The following EYA1 variants were observed in gnomAD, a reference collection of about 807,000 sequenced individuals.
The protein encoded by EYA1 is protein phosphatase EYA1.
In EYA1, 16 loss-of-function variants were observed where a neutral mutation model predicts 82.0. The ratio of observed to expected loss-of-function variants is 0.20; its 90% confidence interval spans 0.13 to 0.30. The LOEUF (loss-of-function observed/expected upper bound fraction) is 0.30. EYA1 is among the 10% of genes least tolerant of loss of function. The pLI is 1.00. For missense variants in EYA1, 633 were observed against 730.7 expected (o/e 0.87, Z 1.54); for synonymous variants, 261 against 264.4 (o/e 0.99, Z 0.12).
At chr8:71,432,971 G>C (rs1430866800) in intron 2 of EYA1, among the ~76,000 whole-genome samples, 1 of 152,120 alleles carries the variant, frequency 6.6e-6, no homozygotes, top group East Asian at 1.9e-4. Context: ...ACTGGTACCT[G>C]GTAATAAAGC....
rs138382154 is a variant in EYA1 at position 71,247,561 on chromosome 8, T to C, written c.1051-2869A>G. Among the ~76,000 whole-genome samples the C allele has an allele frequency of 7.1e-3, 1,082 of 152,322 alleles. 7 individuals are homozygous for C. The highest frequency in any genetic ancestry group is 9.8e-3 in the Non-Finnish European group (665 of 68,014). On this transcript the variant is annotated intron_variant, in intron 11 of 17. Transcript: ENST00000340726. ...CTCCTTAGCATTCTGAAATTGTCCC[T>C]TTTTAATACACCTGAAATCTATGAA...
intron 11 of EYA1, among the ~76,000 whole-genome samples, chr8:71,258,189 A>G (rs1814669247): frequency 6.6e-6 from 1 of 152,224 alleles, no homozygotes; most frequent in Non-Finnish European, 1.5e-5. Flanking sequence ...TTGAAGGCAG[A>G]AATTTTGGCT....
intron 2 of EYA1, among the ~76,000 whole-genome samples, chr8:71,489,356 A>G (rs945237750): frequency 2.7e-4 from 41 of 151,062 alleles, no homozygotes; most frequent in Non-Finnish European, 3.8e-4. Context: ...GTATTGTACT[A>G]TTATTGTACT....
At chr8:71,292,059 TATC>T (rs1256935982) in intron 9 of EYA1, among the ~76,000 whole-genome samples, 2 of 152,144 alleles carry the variant, frequency 1.3e-5, no homozygotes, top group African/African-American at 2.4e-5. Flanking sequence ...TAATGAAAAA[TATC>T]ATATGATAAA....
At chr8:71,311,541 T>C (rs1297642116) in intron 7 of EYA1, among the ~76,000 whole-genome samples, 1 of 152,206 alleles carries the variant, frequency 6.6e-6, no homozygotes, top group Non-Finnish European at 1.5e-5. Flanking sequence ...TGCATCAGCT[T>C]TGTCAATGGT....
intron 2 of EYA1, among the ~76,000 whole-genome samples, chr8:71,520,823 C>G (rs1179335343): frequency 2.0e-5 from 3 of 151,876 alleles, no homozygotes; most frequent in Non-Finnish European, 4.4e-5. Flanking sequence ...TATATGCGTG[C>G]AAAATAACCT....
At chr8:71,366,892 C>T (rs190909484), upstream of EYA1, among the ~76,000 whole-genome samples, 76 of 151,934 alleles carry the variant, frequency 5.0e-4, no homozygotes, top group East Asian at 0.013. Context: ...TAATAAAAAT[C>T]CAGAAAAGTG....
At position 71,299,139 on chromosome 8, in the gene EYA1, G is replaced by T; in HGVS notation, c.734C>A (p.Thr245Asn). ...YPAHYMTSSN[T>N]SPTTPSTNAT... The stretch of plus-strand genomic sequence containing the variant: ...ATTGGTGGATGGTGTCGTTGGGCTG[G>T]TGTTGCTGCTGGTCATATAATGTGC... Residue 245 changes from threonine to asparagine, a missense_variant, in exon 9 of 18, where the codon ACC becomes AAC. Coordinates refer to ENST00000340726, the MANE Select transcript of EYA1 (RefSeq NM_000503.6). The T allele has an allele frequency of 6.2e-7, 1 of 1,614,186 alleles. No individual in the cohort carries two copies. Among genetic ancestry groups the T allele is most frequent in the Non-Finnish European group, 8.5e-7 (1 of 1,180,008 alleles).
intron 1 of EYA1, among the ~76,000 whole-genome samples, chr8:71,541,703 A>G (rs1235691862): frequency 6.6e-6 from 1 of 152,238 alleles, no homozygotes; most frequent in African/African-American, 2.4e-5. Flanking sequence ...CCACAGTCCT[A>G]TAAAGCCTGT....
At chr8:71,520,981 T>C (rs1182186830) in intron 2 of EYA1, among the ~76,000 whole-genome samples, 1 of 152,088 alleles carries the variant, frequency 6.6e-6, no homozygotes, top group Non-Finnish European at 1.5e-5. Context: ...TAATTAAATT[T>C]GATAGTTAAA....
chr8:71,199,251 C>T lies in EYA1; in HGVS notation c.*89G>A. ...ATCACCAGGCGGAAATTGCTAAGTT[C>T]TGGAGGCCGGCGCTGATGCGAGACT... On this transcript the variant is annotated 3_prime_UTR_variant, in exon 18 of 18. Transcript: ENST00000340726. The T allele has an allele frequency of 3.1e-6, 3 of 967,372 alleles. No homozygotes were observed. The highest frequency in any genetic ancestry group is 2.0e-5 in the Admixed American group (1 of 50,818). 59.9% of individuals were successfully genotyped at this position (967,372 alleles called of 1,614,324 possible). A position where few individuals can be genotyped will look rare whatever the true frequency, so the allele number is the denominator to read the frequency against.
chr8:71,392,946 G>A (rs1829363235), intron 2 of EYA1, among the ~76,000 whole-genome samples: 1 of 152,026 alleles, frequency 6.6e-6, no homozygotes, highest in South Asian at 2.1e-4. Flanking sequence ...GCACATATAT[G>A]TGTTTTATGT....
intron 2 of EYA1, among the ~76,000 whole-genome samples, chr8:71,461,127 GA>G (rs1319745891): frequency 6.6e-6 from 1 of 152,096 alleles, no homozygotes; most frequent in East Asian, 1.9e-4. Flanking sequence ...TTTGTTGCAG[GA>G]TCCTTGAGGT....
intron 2 of EYA1, among the ~76,000 whole-genome samples, chr8:71,461,491 G>A (rs190302435): frequency 9.8e-5 from 15 of 152,296 alleles, no homozygotes; most frequent in Admixed American, 9.2e-4. Context: ...GGATATGCCA[G>A]GAACCACAGG....
At chr8:71,437,436 T>C (rs1456769373) in intron 2 of EYA1, among the ~76,000 whole-genome samples, 3 of 152,054 alleles carry the variant, frequency 2.0e-5, no homozygotes, top group African/African-American at 7.2e-5. Context: ...GCCTCAGTTT[T>C]GTCCATCTCT....
At chr8:71,489,912 G>A (rs1810871274) in intron 2 of EYA1, among the ~76,000 whole-genome samples, 1 of 152,166 alleles carries the variant, frequency 6.6e-6, no homozygotes, top group African/African-American at 2.4e-5. Flanking sequence ...AGTTAGGAGT[G>A]CAGCCTGCCC....
chr8:71,202,049 C>T (rs4738114), intron 17 of EYA1, among the ~76,000 whole-genome samples: 69,221 of 151,870 alleles, frequency 0.46, 17,858 homozygotes, highest in East Asian at 0.77. Context: ...TAAAAACATA[C>T]AAAAATACTT....
At chr8:71,430,343 A>G (rs561318417) in intron 2 of EYA1, among the ~76,000 whole-genome samples, 68 of 152,322 alleles carry the variant, frequency 4.5e-4, no homozygotes, top group African/African-American at 1.6e-3. Context: ...AGGTAAATAC[A>G]CTACCCAGAG....
chr8:71,234,757 G>A (rs898600492), intron 12 of EYA1, among the ~76,000 whole-genome samples: 3 of 151,496 alleles, frequency 2.0e-5, no homozygotes, highest in African/African-American at 4.9e-5. Flanking sequence ...TTATGGCGTC[G>A]GGACTCCCAA....
Sources: gnomAD v4.1 joint callset for allele counts (sites outside exome capture counted in the v4.1 genomes callset) on GRCh38, gnomAD v4.1.1 for gene constraint, MANE v1.5 for transcripts, NCBI Gene and HGNC (gene_info 2026-07-23, HGNC 2026-07-21) for gene names.